Variants in CSMD1 observed in about 807,000 individuals in gnomAD.
The protein encoded by CSMD1 is CUB and Sushi multiple domains 1.
CSMD1 carries 213 observed loss-of-function variants against 417.5 expected under a neutral mutation model. The ratio of observed to expected loss-of-function variants is 0.51; its 90% CI spans 0.46 to 0.57. CSMD1 has a LOEUF of 0.57. CSMD1 is among the 20% of genes least tolerant of loss of function. CSMD1 has a pLI of 0.00. For missense variants in CSMD1, 6,923 were observed against 4,529.7 expected, an observed-to-expected ratio of 1.53 and a Z score of -15.17; for synonymous variants, 2,862 against 1,736.8, an observed-to-expected ratio of 1.65 and a Z score of -16.11.
intron 3 of CSMD1, among the ~76,000 whole-genome samples, chr8:4,237,094 T>G (rs1802111702): frequency 6.6e-6 from 1 of 152,190 alleles, no homozygotes; most frequent in Admixed American, 6.5e-5. Context: ...TATTCTTCAC[T>G]CACTATCCTC....
chr8:3,920,392 CTG>C (rs1326891181), intron 5 of CSMD1, among the ~76,000 whole-genome samples: 3 of 151,716 alleles, frequency 2.0e-5, no homozygotes, highest in Non-Finnish European at 4.4e-5. Context: ...TGTGTGGACA[CTG>C]TAGGTTCTTT....
chr8:3,363,612 C>T (rs773552941), intron 20 of CSMD1, among the ~76,000 whole-genome samples: 9 of 152,120 alleles, frequency 5.9e-5, no homozygotes, highest in Non-Finnish European at 7.4e-5. Context: ...ACTGCAAGCT[C>T]CGCTTCCCGG....
intron 11 of CSMD1, among the ~76,000 whole-genome samples, chr8:3,473,328 C>A (rs910431889): frequency 3.9e-5 from 6 of 152,074 alleles, no homozygotes; most frequent in Admixed American, 3.9e-4. Context: ...TTTAAGCCTG[C>A]TATGTGACAG....
chr8:3,106,875 C>G (rs1467797482), intron 45 of CSMD1: 1 of 357,876 alleles, frequency 2.8e-6, no homozygotes, highest in Non-Finnish European at 5.0e-6. Context: ...GGCAGCTTTT[C>G]TTCCTTGACT....
intron 3 of CSMD1, among the ~76,000 whole-genome samples, chr8:4,077,630 A>T (rs528432324): frequency 1.3e-5 from 2 of 152,052 alleles, no homozygotes; most frequent in East Asian, 1.9e-4. Context: ...AGGTCAGTAG[A>T]TCCACCCGGG....
At chr8:3,613,582 TG>T (rs1255881874) in intron 8 of CSMD1, among the ~76,000 whole-genome samples, 1 of 152,042 alleles carries the variant, frequency 6.6e-6, no homozygotes, top group Non-Finnish European at 1.5e-5. Context: ...TTTCAGAATA[TG>T]AGTTTTTAAC....
intron 3 of CSMD1, among the ~76,000 whole-genome samples, chr8:4,178,433 AAAT>A (rs1426112993): frequency 1.3e-5 from 2 of 151,256 alleles, no homozygotes; most frequent in Non-Finnish European, 2.9e-5. Flanking sequence ...ACGTATCTCA[AAAT>A]AATAAGAGCT....
intron 2 of CSMD1, among the ~76,000 whole-genome samples, chr8:4,517,402 C>G (rs552476104): frequency 1.3e-5 from 2 of 152,330 alleles, no homozygotes; most frequent in South Asian, 4.1e-4. Context: ...CACTGGCTTC[C>G]TCGCCTATAA....
At chr8:4,768,604 G>A (rs1360002078) in intron 1 of CSMD1, among the ~76,000 whole-genome samples, 2 of 152,088 alleles carry the variant, frequency 1.3e-5, no homozygotes, top group Admixed American at 6.6e-5. Context: ...GATTTGTTCT[G>A]TTTACCTGGT....
chr8:3,762,905 A>G (rs1363926224), intron 5 of CSMD1, among the ~76,000 whole-genome samples: 1 of 152,146 alleles, frequency 6.6e-6, no homozygotes, highest in Admixed American at 6.5e-5. Context: ...ACTGAATAAA[A>G]TCAACTTTCA....
chr8:3,546,870 C>T (rs984763434), intron 10 of CSMD1, among the ~76,000 whole-genome samples: 8 of 152,108 alleles, frequency 5.3e-5, no homozygotes, highest in East Asian at 1.9e-4. Context: ...ATTGGAAAAA[C>T]GATGTTGCAA....
chr8:3,230,296 T>G (rs1798758680), intron 26 of CSMD1, 65 bp from the exon 27 acceptor site: 1 of 1,336,724 alleles, frequency 7.5e-7, no homozygotes, highest in African/African-American at 1.5e-5. Flanking sequence ...CTTGTCGGTG[T>G]GGTTGTTCTT....
At chr8:4,926,387 G>A (rs1348524420) in intron 1 of CSMD1, among the ~76,000 whole-genome samples, 1 of 151,950 alleles carries the variant, frequency 6.6e-6, no homozygotes, top group African/African-American at 2.4e-5. Context: ...GATATTTTCT[G>A]TATTTGTGAG....
intron 12 of CSMD1, among the ~76,000 whole-genome samples, chr8:3,431,572 C>G (rs1443640052): frequency 1.3e-5 from 2 of 152,096 alleles, no homozygotes; most frequent in Non-Finnish European, 2.9e-5. Flanking sequence ...TTAAATTATA[C>G]TTTACTTGAA....
chr8:4,898,053 G>C (rs193164958), intron 1 of CSMD1, among the ~76,000 whole-genome samples: 1 of 152,082 alleles, frequency 6.6e-6, no homozygotes, highest in Non-Finnish European at 1.5e-5. Context: ...AGAAAATTTG[G>C]TTTTATTAGT....
intron 5 of CSMD1, among the ~76,000 whole-genome samples, chr8:3,856,506 G>C (rs190467868): frequency 2.0e-5 from 3 of 152,260 alleles, no homozygotes; most frequent in Middle Eastern, 3.4e-3. Context: ...AACTGCATGA[G>C]GATCAAATGG....
chr8:3,617,322 G>A (rs1306583980), intron 7 of CSMD1, among the ~76,000 whole-genome samples: 5 of 152,070 alleles, frequency 3.3e-5, no homozygotes, highest in African/African-American at 7.2e-5. Flanking sequence ...TTTATTTCTC[G>A]AATTTCATGG....
At chr8:3,746,112 G>T (rs941237817) in intron 6 of CSMD1, among the ~76,000 whole-genome samples, 5 of 152,178 alleles carry the variant, frequency 3.3e-5, no homozygotes, top group Non-Finnish European at 7.3e-5. Context: ...TGCAGATTTG[G>T]CCAACGATAT....
intron 9 of CSMD1, among the ~76,000 whole-genome samples, chr8:3,577,406 C>T: frequency 6.6e-6 from 1 of 152,156 alleles, no homozygotes; most frequent in South Asian, 2.1e-4. Context: ...ACCCATGTTT[C>T]TTTTTTTAAT....
Sources: allele counts gnomAD v4.1 joint callset (sites outside exome capture counted in the v4.1 genomes callset), GRCh38; gene constraint gnomAD v4.1.1; transcripts MANE v1.5; gene names NCBI Gene and HGNC (gene_info 2026-07-23, HGNC 2026-07-21).